The following GALNT13 variants were observed in gnomAD, a reference collection of about 807,000 sequenced individuals.
GALNT13 encodes the protein UDP-GalNAc:polypeptide N-acetylgalactosaminyltransferase 13.
A neutral mutation model predicts 64.2 loss-of-function variants in GALNT13; 28 were observed. That is an observed-to-expected ratio of 0.44 (90% CI 0.32 to 0.60). GALNT13 has a LOEUF of 0.60. GALNT13 is among the 20% of genes least tolerant of loss of function. GALNT13 has a pLI of 0.05. For synonymous variants in GALNT13, 214 were observed against 224.6 expected (o/e 0.95, Z 0.42); for missense variants, 577 against 669.8 (o/e 0.86, Z 1.53).
At chr2:153,312,391 A>G in the GALNT13 span, among the ~76,000 whole-genome samples, 1 of 152,212 alleles carries the variant, frequency 6.6e-6, no homozygotes, top group African/African-American at 2.4e-5. Flanking sequence ...AGACACTTAT[A>G]AGAATAATTT....
intron 3 of GALNT13, among the ~76,000 whole-genome samples, chr2:153,997,466 T>C (rs1695596262): frequency 6.6e-6 from 1 of 152,108 alleles, no homozygotes; most frequent in South Asian, 2.1e-4. Flanking sequence ...TGATTTCTTT[T>C]TTACATAGTT....
chr2:153,632,134 C>T, the GALNT13 span, among the ~76,000 whole-genome samples: 1 of 152,098 alleles, frequency 6.6e-6, no homozygotes, highest in Non-Finnish European at 1.5e-5. Flanking sequence ...TATGTTTTTC[C>T]TGCTGTAAAA....
At chr2:153,274,201 T>TA in the GALNT13 span, among the ~76,000 whole-genome samples, 6 of 151,752 alleles carry the variant, frequency 4.0e-5, no homozygotes, top group East Asian at 1.9e-4. Context: ...GAGACTTCAT[T>TA]AAAAAAAATA....
intron 3 of GALNT13, among the ~76,000 whole-genome samples, chr2:153,991,467 G>T (rs1261792254): frequency 6.6e-6 from 1 of 152,124 alleles, no homozygotes; most frequent in Admixed American, 6.6e-5. Flanking sequence ...CTGTCCAGAG[G>T]TTCCAGTGAA....
At chr2:154,170,636 A>T (rs1309085829) in intron 4 of GALNT13, among the ~76,000 whole-genome samples, 1 of 152,206 alleles carries the variant, frequency 6.6e-6, no homozygotes, top group Non-Finnish European at 1.5e-5. Context: ...TTTCACTGCC[A>T]TGTGAAACCT....
chr2:153,797,100 A>T, the GALNT13 span, among the ~76,000 whole-genome samples: 1 of 152,218 alleles, frequency 6.6e-6, no homozygotes, highest in Non-Finnish European at 1.5e-5. Context: ...ATTAACATGA[A>T]AGCTAGCACT....
At chr2:154,234,048 C>T (rs1689066881) in intron 4 of GALNT13, among the ~76,000 whole-genome samples, 1 of 151,982 alleles carries the variant, frequency 6.6e-6, no homozygotes, top group Non-Finnish European at 1.5e-5. Context: ...GACCCTTACT[C>T]CATACTGCTA....
chr2:153,657,672 C>T, the GALNT13 span, among the ~76,000 whole-genome samples: 1 of 152,110 alleles, frequency 6.6e-6, no homozygotes, highest in Non-Finnish European at 1.5e-5. Context: ...ATTCCTCATA[C>T]ATTTTAGAAC....
At position 154,022,239 on chromosome 2, in the gene GALNT13, T is replaced by C. The variant is rs1363695499; in HGVS notation, c.142+77600T>C. Among the ~76,000 whole-genome samples, 11 of 152,258 alleles carry C rather than the reference T, an allele frequency of 7.2e-5. No homozygotes were observed. In the East Asian group the frequency reaches 1.2e-3, roughly 16 times the overall value. On this transcript the variant is annotated intron_variant, in intron 3 of 12. Coordinates refer to ENST00000392825, the MANE Select transcript of GALNT13 (RefSeq NM_052917.4). ...TCATAAAATGAGTTAGGGAGGATTC[T>C]CTCTTTTTCTATTGATTGGAGTAGT...
the GALNT13 span, among the ~76,000 whole-genome samples, chr2:153,771,147 T>C: frequency 6.6e-6 from 1 of 151,914 alleles, no homozygotes; most frequent in Admixed American, 6.6e-5. Flanking sequence ...CCAGCAATGA[T>C]TGGAAAAACT....
intron 11 of GALNT13, among the ~76,000 whole-genome samples, chr2:154,414,080 A>G (rs1394897066): frequency 6.6e-6 from 1 of 152,024 alleles, no homozygotes; most frequent in Non-Finnish European, 1.5e-5. Flanking sequence ...AAGCCTATCA[A>G]TTTCCTTGTA....
chr2:153,764,424 T>C, the GALNT13 span, among the ~76,000 whole-genome samples: 2 of 152,062 alleles, frequency 1.3e-5, no homozygotes, highest in Admixed American at 1.3e-4. Context: ...TAATCCAAAC[T>C]ACTCAGGAGG....
chr2:153,510,750 T>C, the GALNT13 span, among the ~76,000 whole-genome samples: 13 of 98,384 alleles, frequency 1.3e-4, no homozygotes, highest in Admixed American at 1.3e-3. Flanking sequence ...ATTGAGAAGC[T>C]GTGGTCTAAA....
chr2:153,537,900 T>G, the GALNT13 span, among the ~76,000 whole-genome samples: 6 of 152,202 alleles, frequency 3.9e-5, no homozygotes, highest in African/African-American at 1.4e-4. Flanking sequence ...AATTACCCAG[T>G]CTCAGGCAGT....
the GALNT13 span, among the ~76,000 whole-genome samples, chr2:153,404,091 T>C: frequency 1.3e-5 from 2 of 152,192 alleles, no homozygotes; most frequent in African/African-American, 4.8e-5. Context: ...TGTAGGCTCA[T>C]TGGTGTGTGG....
At chr2:153,900,396 T>C (rs1688158975) in intron 1 of GALNT13, among the ~76,000 whole-genome samples, 1 of 152,192 alleles carries the variant, frequency 6.6e-6, no homozygotes. Context: ...TTGTGGGGTA[T>C]GCAGGTCGTG....
intron 8 of GALNT13, among the ~76,000 whole-genome samples, chr2:154,281,292 T>G (rs554096844): frequency 3.9e-5 from 6 of 152,348 alleles, no homozygotes; most frequent in Non-Finnish European, 8.8e-5. Flanking sequence ...ATTTCTTGCC[T>G]GTTATATTCA....
chr2:153,107,720 G>A, the GALNT13 span, among the ~76,000 whole-genome samples: 7 of 152,066 alleles, frequency 4.6e-5, no homozygotes, highest in Non-Finnish European at 4.4e-5. Context: ...GTTTTGCTTA[G>A]GATAATAATA....
the GALNT13 span, among the ~76,000 whole-genome samples, chr2:153,150,039 T>C: frequency 6.6e-6 from 1 of 151,866 alleles, no homozygotes; most frequent in Non-Finnish European, 1.5e-5. Context: ...CCTCTGTCTC[T>C]GTGTCATCCA....
Sources: gnomAD v4.1 joint callset for allele counts (sites outside exome capture counted in the v4.1 genomes callset) on GRCh38, gnomAD v4.1.1 for gene constraint, MANE v1.5 for transcripts, NCBI Gene and HGNC (gene_info 2026-07-23, HGNC 2026-07-21) for gene names.